MYO10: variants seen among roughly 807,000 people sequenced by gnomAD.
MYO10 encodes the protein unconventional myosin-X.
In MYO10, 133 loss-of-function variants were observed where a neutral mutation model predicts 257.3. The ratio of observed to expected loss-of-function variants is 0.52; its 90% CI spans 0.45 to 0.60. The LOEUF (loss-of-function observed/expected upper bound fraction) is 0.60, where lower values mean the gene tolerates loss of function less well. MYO10 is among the 20% of genes least tolerant of loss of function. MYO10 has a pLI of 0.00. For synonymous variants in MYO10, 1,104 were observed against 1,028.6 expected (o/e 1.07, Z -1.40); for missense variants, 2,399 against 2,635.7 (o/e 0.91, Z 1.97).
chr5:16,821,930 A>C (rs922012788), intron 2 of MYO10, among the ~76,000 whole-genome samples: 1 of 152,098 alleles, frequency 6.6e-6, no homozygotes, highest in Non-Finnish European at 1.5e-5. Flanking sequence ...GGGAAAAAAA[A>C]AAGCATTATT....
At position 16,663,883 on chromosome 5, in the gene MYO10, ATC is replaced by A. The variant is rs935410361; in HGVS notation, c.*2807_*2808del. The A allele has an allele frequency of 9.7e-6, 1 of 103,004 alleles. No individual in the cohort carries two copies. Among genetic ancestry groups the A allele is most frequent in the African/African-American group, 3.8e-5 (1 of 26,266 alleles). 6.4% of individuals were successfully genotyped at this position (103,004 alleles called of 1,614,324 possible). On this transcript the variant is annotated 3_prime_UTR_variant, in exon 41 of 41. Transcript: ENST00000513610. ...GGACTTGAGCATCTGTGAATTTTGT[ATC>A]CTCAGGGGTGGGGGGAGGGGGTCCT...
At chr5:16,822,265 GA>G (rs11385859) in intron 2 of MYO10, among the ~76,000 whole-genome samples, 5 of 147,612 alleles carry the variant, frequency 3.4e-5, no homozygotes, top group Admixed American at 1.4e-4. Context: ...ATAAAAGTTG[GA>G]AAAAAAAAAC....
chr5:16,746,832 T>C (rs778815279), intron 19 of MYO10, among the ~76,000 whole-genome samples: 8 of 152,228 alleles, frequency 5.3e-5, no homozygotes, highest in Non-Finnish European at 8.8e-5. Flanking sequence ...TTTTACACTC[T>C]TGGAATTTAG....
chr5:16,679,684 C>T (rs893255289), intron 33 of MYO10, among the ~76,000 whole-genome samples: 2 of 151,852 alleles, frequency 1.3e-5, no homozygotes, highest in Non-Finnish European at 2.9e-5. Flanking sequence ...GTCACTACAC[C>T]CGGCTAATTT....
chr5:16,823,111 A>C (rs1474804823), intron 2 of MYO10, among the ~76,000 whole-genome samples: 1 of 151,844 alleles, frequency 6.6e-6, no homozygotes, highest in Non-Finnish European at 1.5e-5. Flanking sequence ...TTAGTCGTGC[A>C]AGGTATACAG....
intron 3 of MYO10, among the ~76,000 whole-genome samples, chr5:16,808,535 A>G (rs1248911158): frequency 6.6e-6 from 1 of 152,194 alleles, no homozygotes; most frequent in African/African-American, 2.4e-5. Flanking sequence ...GAAGCATTCA[A>G]GTTTGTTGAA....
At chr5:16,823,467 G>GGTTTT (rs1561003861) in intron 2 of MYO10, among the ~76,000 whole-genome samples, 3 of 3,984 alleles carry the variant, frequency 7.5e-4, no homozygotes, top group African/African-American at 2.9e-3. Context: ...GGGGAGTGGG[G>GGTTTT]ATTTTTTTTT....
At chr5:16,761,603 A>T (rs1420531403) in intron 16 of MYO10, 57 bp from the exon 17 acceptor site, 12 of 1,259,104 alleles carry the variant, frequency 9.5e-6, no homozygotes, top group Non-Finnish European at 1.4e-5. Flanking sequence ...TTCAGGTCAT[A>T]AGCAACTTCC....
At chr5:16,739,769 T>A (rs993053580) in intron 19 of MYO10, among the ~76,000 whole-genome samples, 2 of 152,076 alleles carry the variant, frequency 1.3e-5, no homozygotes, top group African/African-American at 4.8e-5. Context: ...AAGAAAAGTA[T>A]ATACACAACA....
intron 19 of MYO10, among the ~76,000 whole-genome samples, chr5:16,719,003 G>A (rs1489874446): frequency 1.3e-5 from 2 of 152,176 alleles, no homozygotes; most frequent in African/African-American, 2.4e-5. Flanking sequence ...AATAAAAGCA[G>A]GTTGCCAGCA....
At chr5:16,778,752 G>A (rs1278172691) in intron 9 of MYO10, among the ~76,000 whole-genome samples, 2 of 142,994 alleles carry the variant, frequency 1.4e-5, no homozygotes, top group East Asian at 2.1e-4. Flanking sequence ...GTGCAGTTGC[G>A]CGATCTCGGC....
At chr5:16,891,406 G>T (rs947265211) in intron 1 of MYO10, among the ~76,000 whole-genome samples, 3 of 151,596 alleles carry the variant, frequency 2.0e-5, no homozygotes, top group African/African-American at 7.3e-5. Flanking sequence ...AGGAAGGAGG[G>T]GCAGGCGGAG....
intron 24 of MYO10, among the ~76,000 whole-genome samples, chr5:16,702,305 C>T (rs1188466144): frequency 6.6e-6 from 1 of 152,224 alleles, no homozygotes; most frequent in Non-Finnish European, 1.5e-5. Flanking sequence ...AGCAAACTAA[C>T]ACGCTGGTTA....
rs147888973 is a variant in MYO10, at chr5:16,704,092, G to A, written c.2276+487C>T. Among the ~76,000 whole-genome samples the A allele has an allele frequency of 5.9e-4, 89 of 151,912 alleles. No individual in the cohort carries two copies. The East Asian group carries it at 0.011, about 19-fold the overall frequency. On this transcript the variant is annotated intron_variant, in intron 22 of 40. Transcript: ENST00000513610. ...CTGTAATCCCAGCACTTTGTCAGCC[G>A]GGAGGATCCCATGAGCCCAGGAGTT...
At chr5:16,723,053 GAA>G (rs1478126026) in intron 19 of MYO10, among the ~76,000 whole-genome samples, 1 of 152,136 alleles carries the variant, frequency 6.6e-6, no homozygotes, top group Non-Finnish European at 1.5e-5. Flanking sequence ...ATAAGCATAT[GAA>G]AAGATATCAC....
At chr5:16,702,233 G>C (rs1338046794) in intron 24 of MYO10, among the ~76,000 whole-genome samples, 4 of 152,216 alleles carry the variant, frequency 2.6e-5, no homozygotes. Context: ...CTCCAGAGCT[G>C]GGAGAAAATC....
In MYO10 at chr5:16,670,683, AGCATCT is replaced by A. The variant is rs762903794; in HGVS notation, c.5720_5725del (p.Gln1907_Met1908del). On this transcript the variant is annotated inframe_deletion, in exon 39 of 41. Transcript: ENST00000513610. ...GACTTCTTCCTTAATCCACATGTCC[AGCATCT>A]GCTCCTCCTCGACCTTCTGCCGGAC... 1.2e-6 allele frequency: 2 copies of A among 1,614,032 alleles called. No individual in the cohort carries two copies. The highest frequency in any genetic ancestry group is 1.7e-6 in the Non-Finnish European group (2 of 1,179,898).
intron 1 of MYO10, among the ~76,000 whole-genome samples, chr5:16,878,686 C>T (rs1387739594): frequency 6.6e-6 from 1 of 152,114 alleles, no homozygotes; most frequent in Non-Finnish European, 1.5e-5. Context: ...TTCACAACAA[C>T]GTGGATGGAG....
intron 1 of MYO10, among the ~76,000 whole-genome samples, chr5:16,925,687 C>T (rs961091876): frequency 2.0e-5 from 3 of 152,200 alleles, no homozygotes; most frequent in Non-Finnish European, 4.4e-5. Context: ...GCTGAGGTAA[C>T]AGGCATGAGC....
Sources: gnomAD v4.1 joint callset for allele counts (sites outside exome capture counted in the v4.1 genomes callset) on GRCh38, gnomAD v4.1.1 for gene constraint, MANE v1.5 for transcripts, NCBI Gene and HGNC (gene_info 2026-07-23, HGNC 2026-07-21) for gene names.